The following GRM8 variants were observed in gnomAD, a reference collection of about 807,000 sequenced individuals.
GRM8 encodes glutamate metabotropic receptor 8, also known as metabotropic glutamate receptor 8.
In GRM8, 47 loss-of-function variants were observed where a neutral mutation model predicts 87.2. The ratio of observed to expected loss-of-function variants is 0.54; its 90% CI spans 0.43 to 0.69. The LOEUF (loss-of-function observed/expected upper bound fraction) is 0.69, where lower values mean the gene tolerates loss of function less well. Among genes scored for constraint, GRM8 ranks in the 30% least tolerant of loss-of-function variants. The pLI is 0.00. For synonymous variants in GRM8, 396 were observed against 404.5 expected (o/e 0.98, Z 0.25); for missense variants, 1,019 against 1,139.2 (o/e 0.89, Z 1.52).
At chr7:126,620,509 G>A (rs1419480) in intron 7 of GRM8, among the ~76,000 whole-genome samples, 48,647 of 150,376 alleles carry the variant, frequency 0.32, 8,409 homozygotes, top group East Asian at 0.43. Context: ...TTCAATGAAG[G>A]TTTTTTTTTT....
intron 7 of GRM8, among the ~76,000 whole-genome samples, chr7:126,727,049 A>G (rs2151471651): frequency 6.6e-6 from 1 of 152,198 alleles, no homozygotes; most frequent in African/African-American, 2.4e-5. Context: ...TAACTTTTTC[A>G]TAAATTCTAT....
intron 3 of GRM8, among the ~76,000 whole-genome samples, chr7:127,057,079 C>T (rs1820070555): frequency 6.6e-6 from 1 of 152,074 alleles, no homozygotes; most frequent in African/African-American, 2.4e-5. Context: ...TTATATTCAC[C>T]CTAATGTGGA....
At chr7:127,043,206 G>A (rs1818601904) in intron 3 of GRM8, among the ~76,000 whole-genome samples, 1 of 152,194 alleles carries the variant, frequency 6.6e-6, no homozygotes, top group African/African-American at 2.4e-5. Flanking sequence ...AGTCAGTGTG[G>A]TGATTCCTCA....
chr7:126,976,636 A>G (rs1020745883), intron 3 of GRM8, among the ~76,000 whole-genome samples: 9 of 152,216 alleles, frequency 5.9e-5, no homozygotes, highest in Non-Finnish European at 1.3e-4. Context: ...ACAAAGTATC[A>G]TGAAATTTAA....
At chr7:127,053,730 G>A (rs1270432482) in intron 3 of GRM8, among the ~76,000 whole-genome samples, 1 of 137,220 alleles carries the variant, frequency 7.3e-6, no homozygotes. Context: ...AGAGGTTGCA[G>A]TGAGCTAAGA....
intron 8 of GRM8, among the ~76,000 whole-genome samples, chr7:126,585,093 T>C (rs1192622037): frequency 6.6e-6 from 1 of 152,056 alleles, no homozygotes; most frequent in Non-Finnish European, 1.5e-5. Context: ...TTTATACAAA[T>C]AAATGAAACC....
At chr7:126,443,421 C>A (rs1801682542) in intron 10 of GRM8, among the ~76,000 whole-genome samples, 1 of 151,932 alleles carries the variant, frequency 6.6e-6, no homozygotes, top group Non-Finnish European at 1.5e-5. Flanking sequence ...CAGATCTACC[C>A]TTTCATTGTA....
chr7:127,192,779 C>T (rs1049664444), intron 2 of GRM8, among the ~76,000 whole-genome samples: 22 of 152,114 alleles, frequency 1.4e-4, no homozygotes, highest in South Asian at 6.2e-4. Context: ...GCCTTGTTGG[C>T]GAAGAGATAT....
At chr7:126,909,999 G>T (rs1803122783) in intron 3 of GRM8, among the ~76,000 whole-genome samples, 1 of 142,474 alleles carries the variant, frequency 7.0e-6, no homozygotes, top group Non-Finnish European at 1.5e-5. Context: ...CAAATTTAAA[G>T]ACTCTTTTTT....
chr7:126,935,363 C>T (rs1173613691), intron 3 of GRM8, among the ~76,000 whole-genome samples: 1 of 152,148 alleles, frequency 6.6e-6, no homozygotes, highest in Non-Finnish European at 1.5e-5. Context: ...CCCAGAACTC[C>T]TTAGCTCAGA....
chr7:126,687,985 C>T (rs1388524397), intron 7 of GRM8, among the ~76,000 whole-genome samples: 1 of 151,888 alleles, frequency 6.6e-6, no homozygotes, highest in Non-Finnish European at 1.5e-5. Flanking sequence ...ATTTTTAATA[C>T]TCATTGATTT....
At chr7:127,149,238 T>C (rs909798299) in intron 2 of GRM8, among the ~76,000 whole-genome samples, 2 of 151,766 alleles carry the variant, frequency 1.3e-5, no homozygotes, top group African/African-American at 4.8e-5. Flanking sequence ...AGAAAACAAA[T>C]AACTCAATTT....
At chr7:126,834,012 G>C (rs1795626553) in intron 6 of GRM8, among the ~76,000 whole-genome samples, 1 of 152,136 alleles carries the variant, frequency 6.6e-6, no homozygotes, top group Non-Finnish European at 1.5e-5. Flanking sequence ...TGCTTGCAAA[G>C]TGCCTGTGCT....
intron 9 of GRM8, among the ~76,000 whole-genome samples, chr7:126,519,685 A>C (rs1812691178): frequency 6.6e-6 from 1 of 152,128 alleles, no homozygotes; most frequent in South Asian, 2.1e-4. Context: ...AACGTGCCTG[A>C]TCTCATCTAA....
At chr7:126,731,428 T>C (rs1189677783) in intron 7 of GRM8, among the ~76,000 whole-genome samples, 1 of 152,140 alleles carries the variant, frequency 6.6e-6, no homozygotes, top group African/African-American at 2.4e-5. Context: ...TTCCTATATT[T>C]ATCTTTAATT....
intron 2 of GRM8, among the ~76,000 whole-genome samples, chr7:127,214,818 T>C (rs1478634175): frequency 6.6e-6 from 1 of 152,234 alleles, no homozygotes; most frequent in Non-Finnish European, 1.5e-5. Context: ...AACCTTTTTT[T>C]TCCTTTTTGA....
chr7:127,031,488 C>A (rs953016), intron 3 of GRM8, among the ~76,000 whole-genome samples: 38,495 of 151,966 alleles, frequency 0.25, 5,826 homozygotes, highest in Non-Finnish European at 0.35. Context: ...CCTCCCACTG[C>A]AAATCCACCT....
chr7:126,571,811 G>T (rs1023582076), intron 8 of GRM8, among the ~76,000 whole-genome samples: 2 of 151,574 alleles, frequency 1.3e-5, no homozygotes, highest in Non-Finnish European at 2.9e-5. Flanking sequence ...CATGATCTCG[G>T]CTCACTGCAA....
At chr7:126,631,240 A>T (rs2151172772) in intron 7 of GRM8, among the ~76,000 whole-genome samples, 1 of 152,226 alleles carries the variant, frequency 6.6e-6, no homozygotes, top group South Asian at 2.1e-4. Context: ...ATACACCAAC[A>T]GGCAAGCCAA....
Sources: gnomAD v4.1 joint callset for allele counts (sites outside exome capture counted in the v4.1 genomes callset) on GRCh38, gnomAD v4.1.1 for gene constraint, MANE v1.5 for transcripts, NCBI Gene and HGNC (gene_info 2026-07-23, HGNC 2026-07-21) for gene names.